The following SVIL variants were observed in gnomAD, a reference collection of about 807,000 sequenced individuals.
The protein encoded by SVIL is archvillin.
In SVIL, 101 loss-of-function variants were observed where a neutral mutation model predicts 240.4. The observed-to-expected ratio is 0.42, with a 90% CI of 0.36 to 0.50. SVIL has a LOEUF of 0.50. Among genes scored for constraint, SVIL ranks in the 20% least tolerant of loss-of-function variants. SVIL has a pLI of 0.01. For synonymous variants in SVIL, 999 were observed against 1,100.0 expected, an observed-to-expected ratio of 0.91 and a Z score of 1.82; for missense variants, 2,512 against 2,818.7, an observed-to-expected ratio of 0.89 and a Z score of 2.46.
rs1472046513 is a variant in SVIL at position 29,735,788 on chromosome 10, C to T, written c.-437G>A. 6.6e-6 allele frequency: 1 copy of T among 151,936 alleles called. No individual in the cohort carries two copies. Among genetic ancestry groups the T allele is most frequent in the Non-Finnish European group, 1.5e-5 (1 of 67,936 alleles). 9.4% of individuals were successfully genotyped at this position (151,936 alleles called of 1,614,324 possible). ...TCCACACCTCCCGGTGGCAGGATCG[C>T]CGCTTCCCGCCGACAGCGGCTCGGC... On this transcript the variant is annotated 5_prime_UTR_variant, in exon 1 of 36. Coordinates refer to the SVIL transcript ENST00000375400. The surrounding 1 kb of genome is among the most constrained non-coding windows in gnomAD (Gnocchi z 4.1).
At chr10:29,543,406 A>G (rs1952343069) in intron 6 of SVIL, among the ~76,000 whole-genome samples, 1 of 152,206 alleles carries the variant, frequency 6.6e-6, no homozygotes, top group African/African-American at 2.4e-5. Context: ...ACTCACTTTC[A>G]TTAATGTCCC....
At chr10:29,610,488 C>T (rs1439885814) in intron 1 of SVIL, among the ~76,000 whole-genome samples, 2 of 144,898 alleles carry the variant, frequency 1.4e-5, no homozygotes, top group Non-Finnish European at 3.0e-5. Flanking sequence ...CTCGCTCTGT[C>T]ACCCAGGCTG....
chr10:29,513,484 C>G lies in SVIL; in HGVS notation c.3390-623G>C, dbSNP rs370738944. On this transcript the variant is annotated intron_variant, in intron 16 of 37. Transcript: ENST00000355867. ...CTGGGAGGCAGAGGTTGCAGTGAGC[C>G]GAGATTGTGCCACTGCACTCCAGCC... Among the ~76,000 whole-genome samples, 130 of 152,146 alleles carry G rather than the reference C, an allele frequency of 8.5e-4. 2 individuals carry two copies. The South Asian group carries it at 0.02, about 23-fold the overall frequency.
chr10:29,567,572 G>C (rs1342507521), intron 2 of SVIL, among the ~76,000 whole-genome samples: 2 of 152,178 alleles, frequency 1.3e-5, no homozygotes, highest in African/African-American at 4.8e-5. Context: ...GAGAATAGCT[G>C]TGTCTCTTTG....
Position 29,550,614 on chromosome 10 carries a change from G to A in SVIL, c.810C>T (p.Ser270=), listed in dbSNP as rs1256802968. ...ATGCTTACCTGGGTCGGGCCTCAGG[G>A]GATAGCTGTGGGTCACCAAAGGAGG... The part of the protein sequence containing the change: ...RSPSFGDPQL[S]PEARPSTGKP... The change falls in exon 6 of 38, where the codon TCC becomes TCT. Residue 270 remains serine, a synonymous_variant. Coordinates refer to ENST00000355867, the MANE Select transcript of SVIL (RefSeq NM_021738.3). The A allele has an allele frequency of 1.2e-6, 2 of 1,611,600 alleles. No individual in the cohort carries two copies. Among genetic ancestry groups the A allele is most frequent in the South Asian group, 1.1e-5 (1 of 90,782 alleles).
chr10:29,523,959 C>G lies in SVIL; in HGVS notation c.2655G>C (p.Thr885=). 6.2e-7 allele frequency: 1 copy of G among 1,614,102 alleles called. No homozygotes were observed. The highest frequency in any genetic ancestry group is 1.1e-5 in the South Asian group (1 of 91,074). Residue 885 remains threonine (T), a synonymous_variant, in exon 15 of 38, where the codon ACG becomes ACC. Coordinates refer to ENST00000355867, the MANE Select transcript of SVIL (RefSeq NM_021738.3). The part of the protein sequence containing the change: ...VNTSVSTVAS[T]VAPMYAGDLR... ...GATCTCCGGCATACATTGGAGCAAC[C>G]GTGGATGCTACGGTAGACACTGATG...
At chr10:29,521,427 C>T (rs773625772) in intron 16 of SVIL, among the ~76,000 whole-genome samples, 2 of 152,134 alleles carry the variant, frequency 1.3e-5, no homozygotes, top group Non-Finnish European at 2.9e-5. Flanking sequence ...AAATGGTTCT[C>T]CTAATATGGA....
intron 16 of SVIL, among the ~76,000 whole-genome samples, chr10:29,513,375 C>T (rs529712179): frequency 6.6e-6 from 1 of 152,240 alleles, no homozygotes; most frequent in African/African-American, 2.4e-5. Flanking sequence ...TCGAGACCAG[C>T]CTGGCCAATA....
At chr10:29,662,552 G>T (rs1959170984) in intron 2 of SVIL, among the ~76,000 whole-genome samples, 1 of 152,174 alleles carries the variant, frequency 6.6e-6, no homozygotes, top group Admixed American at 6.5e-5. Flanking sequence ...CACTGTGTCT[G>T]GAGTAGTTCC....
At position 29,521,751 on chromosome 10, in the gene SVIL, C is replaced by A. The variant is rs1197983256; in HGVS notation, c.3389+659G>T. ...TCCCCAAGGTAATTTACTTCCAGTT[C>A]TCTGTATCTGTCTAATTTAAATATA... On this transcript the variant is annotated intron_variant, in intron 16 of 37. Coordinates refer to ENST00000355867, the MANE Select transcript of SVIL (RefSeq NM_021738.3). Among the ~76,000 whole-genome samples the A allele has an allele frequency of 3.3e-5, 5 of 152,182 alleles. No individual in the cohort carries two copies. In the South Asian group the frequency reaches 6.2e-4, roughly 19 times the overall value.
intron 2 of SVIL, among the ~76,000 whole-genome samples, chr10:29,683,941 C>A (rs1238099768): frequency 6.6e-6 from 1 of 152,122 alleles, no homozygotes; most frequent in Non-Finnish European, 1.5e-5. Flanking sequence ...ATAAGCATTT[C>A]ATGAAAGTCA....
At chr10:29,605,006 G>C (rs917749462) in intron 1 of SVIL, among the ~76,000 whole-genome samples, 20 of 152,164 alleles carry the variant, frequency 1.3e-4, no homozygotes, top group African/African-American at 4.8e-4. Flanking sequence ...GATAAGGGCG[G>C]GAATACTGTT....
chr10:29,479,230 A>T (rs1321685807), intron 29 of SVIL, among the ~76,000 whole-genome samples: 1 of 151,868 alleles, frequency 6.6e-6, no homozygotes, highest in Admixed American at 6.6e-5. Context: ...CCCCACTCTG[A>T]CTCTCTGCCC....
chr10:29,526,305 C>CTT (rs36004446), intron 13 of SVIL, among the ~76,000 whole-genome samples: 6,429 of 114,994 alleles, frequency 0.056, 392 homozygotes, highest in Non-Finnish European at 0.078. Flanking sequence ...TTTTCTCTTT[C>CTT]TTTTTTTTTT....
chr10:29,644,151 G>A (rs1958581226), intron 3 of SVIL, among the ~76,000 whole-genome samples: 1 of 151,924 alleles, frequency 6.6e-6, no homozygotes, highest in East Asian at 2.0e-4. Context: ...GCTCAAATGG[G>A]GACATGAGCT....
chr10:29,650,821 C>T (rs909976324), intron 3 of SVIL, among the ~76,000 whole-genome samples: 2 of 152,120 alleles, frequency 1.3e-5, no homozygotes, highest in Non-Finnish European at 2.9e-5. Context: ...TGGTGGCACA[C>T]GCCTGTAATC....
Position 29,522,398 on chromosome 10 carries a change from G to C in SVIL, c.3389+12C>G, listed in dbSNP as rs757069527. The C allele has an allele frequency of 3.8e-5, 62 of 1,613,390 alleles. No homozygotes were observed. Among genetic ancestry groups the C allele is most frequent in the Non-Finnish European group, 5.3e-5 (62 of 1,179,608 alleles). On this transcript the variant is annotated intron_variant, in intron 16 of 37. Coordinates refer to ENST00000355867, the MANE Select transcript of SVIL (RefSeq NM_021738.3). ...CCGAGAGAATTACTTTTCGCTCACC[G>C]AATCTCATTACCTTTCTTTAATAGA...
intron 2 of SVIL, among the ~76,000 whole-genome samples, chr10:29,673,602 A>C (rs1470052297): frequency 2.8e-5 from 4 of 141,780 alleles, no homozygotes; most frequent in Non-Finnish European, 6.2e-5. Context: ...AGAGAGAGAG[A>C]GAGCTAGGGG....
At chr10:29,711,183 T>A (rs548978908) in intron 1 of SVIL, among the ~76,000 whole-genome samples, 27 of 152,184 alleles carry the variant, frequency 1.8e-4, no homozygotes, top group South Asian at 8.3e-4. Context: ...GCAGATCACC[T>A]GAAGTCAGGA....
Sources: allele counts gnomAD v4.1 joint callset (sites outside exome capture counted in the v4.1 genomes callset), GRCh38; gene constraint gnomAD v4.1.1; non-coding constraint Gnocchi (gnomAD v3.1); transcripts MANE v1.5; gene names NCBI Gene and HGNC (gene_info 2026-07-23, HGNC 2026-07-21).